The following UHRF2 variants were observed in gnomAD, a reference collection of about 807,000 sequenced individuals.
UHRF2 encodes E3 ubiquitin-protein ligase UHRF2.
Under a neutral mutation model 96.8 loss-of-function variants are expected in UHRF2, and 23 were observed. The observed-to-expected ratio is 0.24, with a 90% CI of 0.17 to 0.34. The LOEUF (loss-of-function observed/expected upper bound fraction) is 0.34, where lower values mean the gene tolerates loss of function less well. Ranked by LOEUF, UHRF2 falls within the 10% of genes least tolerant of loss-of-function variation. The pLI is 1.00. For missense variants in UHRF2, 685 were observed against 981.5 expected, an observed-to-expected ratio of 0.70 and a Z score of 4.04; for synonymous variants, 385 against 332.6, an observed-to-expected ratio of 1.16 and a Z score of -1.72.
intron 2 of UHRF2, among the ~76,000 whole-genome samples, chr9:6,431,726 G>C (rs1271270932): frequency 3.3e-5 from 5 of 152,162 alleles, no homozygotes; most frequent in African/African-American, 1.2e-4. Context: ...GTTAACTTTA[G>C]TTTATTGTTA....
chr9:6,435,964 G>T (rs1820824600), intron 3 of UHRF2, among the ~76,000 whole-genome samples: 2 of 152,236 alleles, frequency 1.3e-5, no homozygotes, highest in South Asian at 2.1e-4. Context: ...TGTCTTGAGG[G>T]TTTAGATTCT....
In UHRF2 at chr9:6,500,606, T is replaced by C. The variant is rs750501161; in HGVS notation, c.2060T>C (p.Ile687Thr). Residue 687 changes from isoleucine to threonine, a missense_variant, in exon 14 of 16, where the codon ATT becomes ACT. Ile to Thr is a moderately conservative substitution (Grantham distance 89). Coordinates refer to ENST00000276893, the MANE Select transcript of UHRF2 (RefSeq NM_152896.3). ...VYKASDSAEA[I>T]EAFQLTPQQQ... is the part of the protein sequence containing the mutation. ...AAAGCATCAGATTCAGCAGAAGCAA[T>C]TGAGGCTTTTCAACTAACTCCTCAA... 5.0e-6 allele frequency: 8 copies of C among 1,613,594 alleles called. No individual in the cohort carries two copies. Among genetic ancestry groups the C allele is most frequent in the Non-Finnish European group, 5.9e-6 (7 of 1,179,972 alleles).
In UHRF2 at chr9:6,413,282, G is replaced by C. The variant is rs1819393720; in HGVS notation, c.-209G>C. On this transcript the variant is annotated 5_prime_UTR_variant, in exon 1 of 16. Transcript: ENST00000276893. The stretch of plus-strand genomic sequence containing the variant: ...TGCGGCAGCGCCTCAGAGTGGTTCC[G>C]GTCGTCTCTCCTCAAGTCGGCTAGT... 1 of 241,700 alleles carries C rather than the reference G, an allele frequency of 4.1e-6. No individual in the cohort carries two copies. Among genetic ancestry groups the C allele is most frequent in the Non-Finnish European group, 7.5e-6 (1 of 133,250 alleles). The allele number at this position is 241,700 out of a possible 1,614,324, so 15.0% of individuals were successfully genotyped here.
chr9:6,447,664 C>T (rs1462746510), intron 3 of UHRF2, among the ~76,000 whole-genome samples: 3 of 151,996 alleles, frequency 2.0e-5, no homozygotes, highest in Non-Finnish European at 4.4e-5. Context: ...CTTCCTAAAC[C>T]ATCCTAGAAG....
intron 4 of UHRF2, among the ~76,000 whole-genome samples, chr9:6,471,936 A>G (rs1823263976): frequency 6.6e-6 from 1 of 152,218 alleles, no homozygotes; most frequent in South Asian, 2.1e-4. Flanking sequence ...AATATAGCCA[A>G]AAGATTTCAG....
intron 2 of UHRF2, among the ~76,000 whole-genome samples, chr9:6,428,364 T>G (rs1820373127): frequency 1.3e-5 from 2 of 152,088 alleles, no homozygotes; most frequent in Admixed American, 1.3e-4. Flanking sequence ...CTTCCCTAGT[T>G]GTAACTGCTA....
At chr9:6,469,750 GTATATATACA>G in intron 4 of UHRF2, among the ~76,000 whole-genome samples, 1 of 135,102 alleles carries the variant, frequency 7.4e-6, no homozygotes, top group East Asian at 2.1e-4. Flanking sequence ...ATATATACAC[GTATATATACA>G]CACGTATATA....
intron 3 of UHRF2, among the ~76,000 whole-genome samples, chr9:6,442,984 T>G (rs1254985383): frequency 1.3e-5 from 2 of 152,218 alleles, no homozygotes; most frequent in Non-Finnish European, 2.9e-5. Context: ...TATTGCTTTA[T>G]TTAACTTAGT....
At chr9:6,467,672 CAG>C (rs2130867320) in intron 4 of UHRF2, among the ~76,000 whole-genome samples, 1 of 140,584 alleles carries the variant, frequency 7.1e-6, no homozygotes, top group African/African-American at 2.7e-5. Flanking sequence ...GTTGGGCTGA[CAG>C]AAGTTGAATT....
chr9:6,503,802 G>T (rs1011563437), intron 14 of UHRF2, among the ~76,000 whole-genome samples: 1 of 151,884 alleles, frequency 6.6e-6, no homozygotes, highest in Admixed American at 6.6e-5. Flanking sequence ...CGTTGCCCAT[G>T]ATTTTTTTAT....
In UHRF2 at chr9:6,413,404, G is replaced by C; in HGVS notation, c.-87G>C. Reference sequence around the variant, plus strand: ...CCGCCTGCCGCTGAGGGCCCGAGCCGCAGGGAAAGCGGCGCGGGCCGGGCG... The same window carrying C: ...CCGCCTGCCGCTGAGGGCCCGAGCCCCAGGGAAAGCGGCGCGGGCCGGGCG... On this transcript the variant is annotated 5_prime_UTR_variant, in exon 1 of 16. Transcript: ENST00000276893. The C allele has an allele frequency of 7.9e-7, 1 of 1,260,624 alleles. No homozygotes were observed. Among genetic ancestry groups the C allele is most frequent in the Non-Finnish European group, 1.0e-6 (1 of 988,358 alleles). 78.1% of individuals were successfully genotyped at this position (1,260,624 alleles called of 1,614,324 possible).
intron 3 of UHRF2, among the ~76,000 whole-genome samples, chr9:6,440,685 T>C (rs1016090441): frequency 1.3e-5 from 2 of 152,238 alleles, no homozygotes; most frequent in Non-Finnish European, 2.9e-5. Context: ...GTACTCATCA[T>C]TTGGCTGCGA....
intron 9 of UHRF2, among the ~76,000 whole-genome samples, chr9:6,490,712 G>A (rs1167406209): frequency 2.0e-5 from 3 of 152,170 alleles, no homozygotes; most frequent in Non-Finnish European, 2.9e-5. Flanking sequence ...CTGGTCAAAC[G>A]TTAAAACATT....
At chr9:6,472,969 G>A (rs758422422) in intron 4 of UHRF2, among the ~76,000 whole-genome samples, 4 of 152,218 alleles carry the variant, frequency 2.6e-5, no homozygotes, top group African/African-American at 4.8e-5. Flanking sequence ...TTGTGTTTGA[G>A]TGTGTATATT....
intron 4 of UHRF2, among the ~76,000 whole-genome samples, chr9:6,471,764 G>T (rs1365392276): frequency 6.6e-6 from 1 of 152,144 alleles, no homozygotes; most frequent in Non-Finnish European, 1.5e-5. Context: ...ATCTGAAGGG[G>T]CTAGAGTACT....
chr9:6,501,363 T>G (rs1019607671), intron 14 of UHRF2, among the ~76,000 whole-genome samples: 1 of 152,190 alleles, frequency 6.6e-6, no homozygotes, highest in Admixed American at 6.5e-5. Context: ...GAATCTTCTA[T>G]TAAATATTGA....
chr9:6,445,132 A>T (rs1202765263), intron 3 of UHRF2, among the ~76,000 whole-genome samples: 6 of 149,516 alleles, frequency 4.0e-5, no homozygotes, highest in African/African-American at 9.8e-5. Flanking sequence ...CTCTTATTTA[A>T]AAAAAAAAAA....
Position 6,499,852 on chromosome 9 carries a change from T to C in UHRF2, c.1926T>C (p.Pro642=). Residue 642 remains proline (P), a synonymous_variant, in exon 13 of 16, where the codon CCT becomes CCC. Coordinates refer to ENST00000276893, the MANE Select transcript of UHRF2 (RefSeq NM_152896.3). ...CCCATCAGTATCCAGCAGGTTACCC[T>C]TCAGATAAAGAAGGGAAGAAGCCTA... The part of the protein sequence containing the change: ...CLRLQYPAGY[P]SDKEGKKPKG... 6.4e-7 allele frequency: 1 copy of C among 1,568,972 alleles called. No individual in the cohort carries two copies. The highest frequency in any genetic ancestry group is 2.4e-5 in the East Asian group (1 of 41,254).
At chr9:6,435,559 C>T (rs10758791) in intron 3 of UHRF2, among the ~76,000 whole-genome samples, 105,927 of 152,036 alleles carry the variant, frequency 0.7, 39,555 homozygotes, top group Non-Finnish European at 0.82. Context: ...AAATCTCATA[C>T]TGATTATCAG....
Sources: gnomAD v4.1 joint callset for allele counts (sites outside exome capture counted in the v4.1 genomes callset) on GRCh38, gnomAD v4.1.1 for gene constraint, MANE v1.5 for transcripts, NCBI Gene and HGNC (gene_info 2026-07-23, HGNC 2026-07-21) for gene names.